Variants in SPTB observed in about 807,000 individuals in gnomAD.
SPTB encodes the protein spectrin beta, erythrocytic, also known as spectrin beta chain, erythrocytic.
Under a neutral mutation model 256.2 loss-of-function variants are expected in SPTB, and 45 were observed. The ratio of observed to expected loss-of-function variants is 0.18; its 90% confidence interval spans 0.14 to 0.23. The LOEUF is 0.23. Ranked by LOEUF, SPTB falls within the 10% of genes least tolerant of loss-of-function variation. The probability of loss-of-function intolerance (pLI) is 1.00; values close to 1 mark genes in which losing one functional copy is unlikely to be tolerated. For synonymous variants in SPTB, 1,231 were observed against 1,243.1 expected, an observed-to-expected ratio of 0.99 and a Z score of 0.21; for missense variants, 2,715 against 3,040.4, an observed-to-expected ratio of 0.89 and a Z score of 2.52.
intron 1 of SPTB, among the ~76,000 whole-genome samples, chr14:64,858,302 TGATTCTTATTTA>T (rs1323796519): frequency 6.6e-6 from 1 of 152,152 alleles, no homozygotes; most frequent in Admixed American, 6.5e-5. Flanking sequence ...GTGTTAAACT[TGATTCTTATTTA>T]GATCCTTTAA....
At chr14:64,832,240 CT>C (rs1362690663) in intron 1 of SPTB, among the ~76,000 whole-genome samples, 2 of 152,260 alleles carry the variant, frequency 1.3e-5, no homozygotes, top group Non-Finnish European at 2.9e-5. Context: ...CCAAAAGTCA[CT>C]GATACCTCCC....
Position 64,749,403 on chromosome 14 carries a change from G to A in SPTB, c.6890C>T (p.Ala2297Val), listed in dbSNP as rs780786493. 1.1e-5 allele frequency: 18 copies of A among 1,608,070 alleles called. No homozygotes were observed. Among genetic ancestry groups the A allele is most frequent in the South Asian group, 8.8e-5 (8 of 91,028 alleles). ...INESQSIRVK[A>V]QSLPLPSLSG... ...GAGGGAAGGCAGGGGCAGGCTCTGC[G>A]CCTTGACGCGGATGCTCTGGGACTC... is the stretch of plus-strand genomic sequence containing the variant. Residue 2297 changes from alanine (A) to valine (V), a missense_variant, in exon 36 of 36, where the codon GCG becomes GTG. This residue lies in a region of SPTB where 2,239 missense variants were observed against 2,384.4 expected (regional missense o/e 0.94). Coordinates refer to ENST00000644917, the MANE Select transcript of SPTB (RefSeq NM_001355436.2). The surrounding 1 kb of genome is among the most constrained non-coding windows in gnomAD (Gnocchi z 4.7).
In SPTB at chr14:64,775,476, A is replaced by C. The variant is rs944675774; in HGVS notation, c.4564-73T>G. The C allele has an allele frequency of 1.8e-5, 28 of 1,544,546 alleles. No individual in the cohort carries two copies. The highest frequency in any genetic ancestry group is 2.2e-5 in the Non-Finnish European group (25 of 1,140,872). On this transcript the variant is annotated intron_variant, in intron 22 of 35. Coordinates refer to ENST00000644917, the MANE Select transcript of SPTB (RefSeq NM_001355436.2). The surrounding 1 kb of genome is among the most constrained non-coding windows in gnomAD (Gnocchi z 5.0). The stretch of plus-strand genomic sequence containing the variant: ...GGGAGGCTGCTTCAGCAGTGGCAGC[A>C]CAGCTCTGACACCCTTGGTCCCTCT...
At chr14:64,771,204 C>A (rs2082274173) in intron 26 of SPTB, 75 bp from the exon 27 acceptor site, 8 of 1,601,420 alleles carry the variant, frequency 5.0e-6, no homozygotes, top group Non-Finnish European at 5.9e-6. Context: ...ACTGGAAGGG[C>A]AGCTACCTCC....
rs373143524 is a variant in SPTB, at chr14:64,750,133, A to G, written c.6624T>C (p.Cys2208=). 791 of 1,614,092 alleles carry G rather than the reference A, an allele frequency of 4.9e-4. 11 individuals carry two copies. In the South Asian group the frequency reaches 7.7e-3, roughly 16 times the overall value. Residue 2208 remains cysteine, a synonymous_variant, in exon 34 of 36, where the codon TGT becomes TGC. Transcript: ENST00000644917. ...AGGTTAGCTCACTGTTCCTGAGCACACAGTACAGGTTGTTCCAGGACCTGC... is the reference window on the plus strand; with the variant it reads ...AGGTTAGCTCACTGTTCCTGAGCACGCAGTACAGGTTGTTCCAGGACCTGC... ...ASNRSWNNLY[C]VLRNSELTFY... is the part of the protein sequence containing the mutation.
chr14:64,858,326 G>A (rs1239529531), intron 1 of SPTB, among the ~76,000 whole-genome samples: 1 of 152,216 alleles, frequency 6.6e-6, no homozygotes, highest in African/African-American at 2.4e-5. Flanking sequence ...ATCCTTTAAA[G>A]GGTAGGGCAA....
intron 1 of SPTB, among the ~76,000 whole-genome samples, chr14:64,856,915 T>C (rs2083883101): frequency 6.6e-6 from 1 of 152,238 alleles, no homozygotes. Flanking sequence ...TCACTGCCTC[T>C]GTGGGAAGGG....
intron 27 of SPTB, 146 bp downstream of exon 27, chr14:64,770,739 C>T: frequency 1.6e-6 from 2 of 1,286,398 alleles, no homozygotes; most frequent in Non-Finnish European, 1.1e-6. Context: ...GATCCAGCCT[C>T]AGGCCTCAAG....
At chr14:64,830,790 G>A (rs2083442562) in intron 1 of SPTB, among the ~76,000 whole-genome samples, 2 of 151,946 alleles carry the variant, frequency 1.3e-5, no homozygotes. Context: ...GCACCATTTG[G>A]TGCTGAGCTC....
At position 64,797,761 on chromosome 14, in the gene SPTB, G is replaced by A. The variant is rs1199372701; in HGVS notation, c.1150C>T (p.His384Tyr). The A allele has an allele frequency of 1.2e-6, 2 of 1,613,858 alleles. No individual in the cohort carries two copies. The highest frequency in any genetic ancestry group is 2.2e-5 in the East Asian group (1 of 44,884). The change falls in exon 10 of 36, where the codon CAC (histidine) becomes TAC (tyrosine). Residue 384 changes from histidine (H) to tyrosine (Y), a missense_variant. By Grantham distance (83) the His-to-Tyr change is moderately conservative (BLOSUM62 2). Around this residue, in one of 4 missense-constraint regions of SPTB, gnomAD observed 416 missense variants for 571.1 expected, o/e 0.73. Coordinates refer to ENST00000644917, the MANE Select transcript of SPTB (RefSeq NM_001355436.2). ...RANNQKVYTP[H>Y]DGKLVSDINR... ...ATGTCAGACACTAGTTTCCCATCGT[G>A]GGGTGTGTACACTTTCTGATTGTTG...
At chr14:64,757,857 G>C (rs188129117) in intron 32 of SPTB, among the ~76,000 whole-genome samples, 25 of 152,308 alleles carry the variant, frequency 1.6e-4, no homozygotes, top group African/African-American at 5.8e-4. Flanking sequence ...TGTGAGCAGA[G>C]ACACCGATGA....
rs2081982981 is a variant in SPTB at position 64,753,676 on chromosome 14, C to T, written c.6463G>A (p.Val2155Ile). 1.2e-6 allele frequency: 2 copies of T among 1,613,744 alleles called. No individual in the cohort carries two copies. Among genetic ancestry groups the T allele is most frequent in the South Asian group, 2.2e-5 (2 of 91,072 alleles). The change falls in exon 33 of 36, where the codon GTC becomes ATC. Residue 2155 changes from valine to isoleucine, a missense_variant. By Grantham distance (29) the Val-to-Ile change is conservative (BLOSUM62 3). Around this residue, in one of 4 missense-constraint regions of SPTB, gnomAD observed 2,239 missense variants for 2,384.4 expected, o/e 0.94. Transcript: ENST00000644917. ...ERPTTEPLFK[V>I]LDTPLSEGDE... Reference sequence around the variant, plus strand: ...CCCTCGCTCAGAGGCGTATCTAGGACCTTAAAGAGGGGCTCCGTGGTGGGC... The same window carrying T: ...CCCTCGCTCAGAGGCGTATCTAGGATCTTAAAGAGGGGCTCCGTGGTGGGC...
At position 64,775,320 on chromosome 14, in the gene SPTB, C is replaced by T. The variant is rs1336461504; in HGVS notation, c.4647G>A (p.Glu1549=). 1 of 1,613,066 alleles carries T rather than the reference C, an allele frequency of 6.2e-7. No homozygotes were observed. The highest frequency in any genetic ancestry group is 1.3e-5 in the African/African-American group (1 of 75,006). ...QRGQQLVEAA[E]IDCQDLEERL... The stretch of plus-strand genomic sequence containing the variant: ...GCTCCTCAAGGTCCTGGCAGTCGAT[C>T]TCCGCCGCCTCCACCAGCTGCTGCC... Residue 1549 remains glutamate, a synonymous_variant, in exon 23 of 36, where the codon GAG becomes GAA. Coordinates refer to ENST00000644917, the MANE Select transcript of SPTB (RefSeq NM_001355436.2). The surrounding 1 kb of genome is among the most constrained non-coding windows in gnomAD (Gnocchi z 5.0).
rs901983270 is a variant in SPTB, at chr14:64,749,174, T to TGGGGCCCG, written c.*124_*131dup. The TGGGGCCCG allele has an allele frequency of 7.3e-5, 82 of 1,122,706 alleles. No individual in the cohort carries two copies. In the Admixed American group the frequency reaches 1.5e-3, roughly 20 times the overall value. The allele number at this position is 1,122,706 out of a possible 1,614,324, so 69.5% of individuals were successfully genotyped here. A position where few individuals can be genotyped will look rare whatever the true frequency, so the allele number is the denominator to read the frequency against. On this transcript the variant is annotated 3_prime_UTR_variant, in exon 36 of 36. Coordinates refer to ENST00000644917, the MANE Select transcript of SPTB (RefSeq NM_001355436.2). The surrounding 1 kb of genome is among the most constrained non-coding windows in gnomAD (Gnocchi z 4.7). Reference sequence around the variant, plus strand: ...CGAAGGCAGCTTTTGCAGTGCAGCGTGGGGCCCGGGGGCCCGGCCCGCGAC... The same window carrying TGGGGCCCG: ...CGAAGGCAGCTTTTGCAGTGCAGCGTGGGGCCCGGGGGCCCGGGGGCCCGGCCCGCGAC...
intron 32 of SPTB, 139 bp from the exon 33 acceptor site, chr14:64,753,932 C>T (rs1347497285): frequency 1.6e-5 from 18 of 1,151,170 alleles, no homozygotes; most frequent in Non-Finnish European, 2.3e-5. Context: ...CCTCCTGGCC[C>T]ACCCTGGCTC....
chr14:64,769,827 G>A (rs1001116502), intron 27 of SPTB, 99 bp from the exon 28 acceptor site: 5 of 1,541,436 alleles, frequency 3.2e-6, no homozygotes, highest in Admixed American at 1.7e-5. Context: ...GCCTGTGGGA[G>A]TGTGACCGTG....
In SPTB at chr14:64,760,037, G is replaced by A. The variant is rs987609701; in HGVS notation, c.6346-6244C>T. Among the ~76,000 whole-genome samples, 1 of 152,144 alleles carries A rather than the reference G, an allele frequency of 6.6e-6. No homozygotes were observed. The highest frequency in any genetic ancestry group is 6.5e-5 in the Admixed American group (1 of 15,282). Reference sequence around the variant, plus strand: ...CAGGGGACAAGCAGCATTGGTTGCTGGTTGACAGGGATCAGTGGAGAAGAG... The same window carrying A: ...CAGGGGACAAGCAGCATTGGTTGCTAGTTGACAGGGATCAGTGGAGAAGAG... On this transcript the variant is annotated intron_variant, in intron 32 of 35. Coordinates refer to ENST00000644917, the MANE Select transcript of SPTB (RefSeq NM_001355436.2). This position sits in a 1 kb window ranked among gnomAD's most constrained non-coding sequence, Gnocchi z 4.3.
Position 64,767,708 on chromosome 14 carries a change from C to T in SPTB, c.6174G>A (p.Thr2058=), listed in dbSNP as rs146561732. 1,086 of 1,614,206 alleles carry T rather than the reference C, an allele frequency of 6.7e-4. 5 individuals carry two copies. In the Middle Eastern group the frequency reaches 0.022, roughly 32 times the overall value. The change falls in exon 30 of 36, where the codon ACG becomes ACA. Residue 2058 remains threonine (T), a synonymous_variant. Coordinates refer to ENST00000644917, the MANE Select transcript of SPTB (RefSeq NM_001355436.2). The stretch of plus-strand genomic sequence containing the variant: ...CAGCAAAGCGCTCTGCCCAGCTGGC[C>T]GTGGACTTCTCAAAAGCCTCATGCC... ...IKRHEAFEKS[T]ASWAERFAAL...
chr14:64,838,753 C>A (rs992964666), intron 1 of SPTB, among the ~76,000 whole-genome samples: 1 of 152,006 alleles, frequency 6.6e-6, no homozygotes, highest in African/African-American at 2.4e-5. Flanking sequence ...TAAAATTAAA[C>A]ATACCATATT....
Sources: allele counts gnomAD v4.1 joint callset (sites outside exome capture counted in the v4.1 genomes callset), GRCh38; gene constraint gnomAD v4.1.1; regional missense constraint gnomAD v4.1.1; non-coding constraint Gnocchi (gnomAD v3.1); transcripts MANE v1.5; gene names NCBI Gene and HGNC (gene_info 2026-07-23, HGNC 2026-07-21).